Variants in HECTD4 observed in about 807,000 individuals in gnomAD.
HECTD4 encodes the protein HECT domain E3 ubiquitin protein ligase 4.
A neutral mutation model predicts 471.5 loss-of-function variants in HECTD4; 114 were observed. That is an observed-to-expected ratio of 0.24 (90% confidence interval 0.21 to 0.28). The LOEUF (loss-of-function observed/expected upper bound fraction) is 0.28, where lower values mean the gene tolerates loss of function less well. HECTD4 is among the 10% of genes least tolerant of loss of function. The pLI is 1.00. For synonymous variants in HECTD4, 2,012 were observed against 2,256.0 expected (o/e 0.89, Z 3.07); for missense variants, 3,866 against 5,651.5 (o/e 0.68, Z 10.13).
intron 29 of HECTD4, 65 bp downstream of exon 29, chr12:112,246,836 T>C (rs937660678): frequency 2.9e-5 from 41 of 1,426,216 alleles, no homozygotes; most frequent in East Asian, 1.2e-4. Flanking sequence ...GTGTGTCTTA[T>C]ATGAACAGAG....
Position 112,194,417 on chromosome 12 carries a change from A to T in HECTD4, c.8749+468T>A, listed in dbSNP as rs76940475. On this transcript the variant is annotated intron_variant, in intron 56 of 75. Coordinates refer to ENST00000682272, the MANE Select transcript of HECTD4 (RefSeq NM_001388303.1). This position sits in a 1 kb window ranked among gnomAD's most constrained non-coding sequence, Gnocchi z 4.6. ...GAGTCCTGGATAGTGCTGAGGGCAG[A>T]CTCATCACCTGGCATTCACTGGGGA... is the stretch of plus-strand genomic sequence containing the variant. 0.041 allele frequency among the ~76,000 whole-genome samples: 6,280 copies of T among 152,216 alleles called. 287 individuals are homozygous for T. Among genetic ancestry groups the T allele is most frequent in the African/African-American group, 0.11 (4,597 of 41,518 alleles).
chr12:112,176,673 G>T lies in HECTD4; in HGVS notation c.11393C>A (p.Thr3798Asn). 1.2e-6 allele frequency: 2 copies of T among 1,613,994 alleles called. No individual in the cohort carries two copies. Among genetic ancestry groups the T allele is most frequent in the Non-Finnish European group, 1.7e-6 (2 of 1,179,870 alleles). Residue 3798 changes from threonine (T) to asparagine (N), a missense_variant, in exon 65 of 76, where the codon ACT (threonine) becomes AAT (asparagine). Transcript: ENST00000682272. ...CTTTTCTGGTGATTTTGGCTTCACAGTTGGCTTCTTCTCACTTAAGGCAGT... is the reference window on the plus strand; with the variant it reads ...CTTTTCTGGTGATTTTGGCTTCACATTTGGCTTCTTCTCACTTAAGGCAGT... ...SRTALSEKKP[T>N]VKPKSPEKSK... is the part of the protein sequence containing the mutation.
chr12:112,267,018 A>C (rs753590209), intron 13 of HECTD4, 36 bp from the exon 14 acceptor site: 339 of 1,140,420 alleles, frequency 3.0e-4, no homozygotes, highest in Non-Finnish European at 4.2e-4. Flanking sequence ...ATTTAAGCAA[A>C]TGTTCTAGAA....
At chr12:112,360,192 A>G (rs1342709929) in intron 1 of HECTD4, among the ~76,000 whole-genome samples, 1 of 152,176 alleles carries the variant, frequency 6.6e-6, no homozygotes, top group Non-Finnish European at 1.5e-5. Context: ...AGTAGCATGC[A>G]CCTATAGTCC....
At chr12:112,318,502 T>C (rs1394174036) in intron 2 of HECTD4, among the ~76,000 whole-genome samples, 3 of 151,878 alleles carry the variant, frequency 2.0e-5, no homozygotes, top group Non-Finnish European at 4.4e-5. Flanking sequence ...AGCCTCCAGG[T>C]AGCTGGGATT....
At chr12:112,204,380 G>A (rs912683884) in intron 53 of HECTD4, 106 bp downstream of exon 53, 1 of 1,113,060 alleles carries the variant, frequency 9.0e-7, no homozygotes, top group African/African-American at 1.6e-5. Context: ...GTCGGAGTAA[G>A]GAGAGTCACC....
At chr12:112,207,116 G>GTGTGTGTATGTATGTATGTA (rs1555250152) in intron 52 of HECTD4, among the ~76,000 whole-genome samples, 1 of 147,332 alleles carries the variant, frequency 6.8e-6, no homozygotes, top group East Asian at 2.0e-4. Flanking sequence ...ATGTGTGTGT[G>GTGTGTGTATGTATGTATGTA]TGTATGTATG....
At position 112,284,595 on chromosome 12, in the gene HECTD4, G is replaced by A. The variant is rs549589444; in HGVS notation, c.1336-1293C>T. On this transcript the variant is annotated intron_variant, in intron 7 of 75. Coordinates refer to ENST00000682272, the MANE Select transcript of HECTD4 (RefSeq NM_001388303.1). ...ATGATAAAGAAAAAGATTTGTTACA[G>A]AGTCCAAAAATGCTGTTTCTATTTC... is the stretch of plus-strand genomic sequence containing the variant. Among the ~76,000 whole-genome samples the A allele has an allele frequency of 2.6e-5, 4 of 152,274 alleles. No individual in the cohort carries two copies. The South Asian group carries it at 6.2e-4, about 24-fold the overall frequency.
Position 112,163,016 on chromosome 12 carries a change from G to C in HECTD4, c.13120+26C>G, listed in dbSNP as rs751030696. On this transcript the variant is annotated intron_variant, in intron 75 of 75. Coordinates refer to ENST00000682272, the MANE Select transcript of HECTD4 (RefSeq NM_001388303.1). This position sits in a 1 kb window ranked among gnomAD's most constrained non-coding sequence, Gnocchi z 8.2. ...GAGAAAGGCTAGTGTGTCCCTACTTGGGACATGGCCAGGGGAGGGCGGTAC... is the reference window on the plus strand; with the variant it reads ...GAGAAAGGCTAGTGTGTCCCTACTTCGGACATGGCCAGGGGAGGGCGGTAC... The C allele has an allele frequency of 6.5e-7, 1 of 1,542,728 alleles. No homozygotes were observed. The highest frequency in any genetic ancestry group is 8.9e-7 in the Non-Finnish European group (1 of 1,124,088).
At chr12:112,283,004 C>T (rs2034675839) in intron 8 of HECTD4, 106 bp downstream of exon 8, 2 of 777,996 alleles carry the variant, frequency 2.6e-6, no homozygotes, top group Non-Finnish European at 3.8e-6. Flanking sequence ...ATAAAGTCAA[C>T]TATGCAAAGG....
At position 112,308,835 on chromosome 12, in the gene HECTD4, C is replaced by T. The variant is rs1217328496; in HGVS notation, c.1082G>A (p.Ser361Asn). ...ELEPGWVAFG[S>N]GSLLHRPVSF... ...GACAGGCCGGTGGAGAAGACTGCCG[C>T]TGCCAAAAGCCACCCATCCTGGTTC... The change falls in exon 6 of 76, where the codon AGC becomes AAC. Residue 361 changes from serine to asparagine, a missense_variant. Physicochemically the swap from Ser to Asn is conservative, Grantham distance 46. Transcript: ENST00000682272. The T allele has an allele frequency of 6.5e-7, 1 of 1,536,106 alleles. No individual in the cohort carries two copies. Among genetic ancestry groups the T allele is most frequent in the Non-Finnish European group, 8.7e-7 (1 of 1,146,884 alleles).
intron 29 of HECTD4, among the ~76,000 whole-genome samples, chr12:112,246,349 C>T (rs2033760824): frequency 6.6e-6 from 1 of 151,896 alleles, no homozygotes; most frequent in Admixed American, 6.6e-5. Flanking sequence ...AGTATGAAAA[C>T]AAAAACGGGC....
chr12:112,223,253 G>A (rs1177289200), intron 44 of HECTD4, among the ~76,000 whole-genome samples: 1 of 152,148 alleles, frequency 6.6e-6, no homozygotes, highest in African/African-American at 2.4e-5. Context: ...AGGAAGCTGG[G>A]AGAAGAGAAA....
At chr12:112,258,083 T>C (rs1402439753) in intron 20 of HECTD4, among the ~76,000 whole-genome samples, 1 of 151,616 alleles carries the variant, frequency 6.6e-6, no homozygotes, top group African/African-American at 2.4e-5. Flanking sequence ...TAGCTACTCA[T>C]GAGGCTGAGA....
intron 1 of HECTD4, chr12:112,323,071 A>T: frequency 4.6e-6 from 1 of 218,026 alleles, no homozygotes; most frequent in South Asian, 7.4e-5. Flanking sequence ...GTAAAAGCAA[A>T]GAAAGCTGCT....
intron 1 of HECTD4, among the ~76,000 whole-genome samples, chr12:112,352,438 C>T (rs1221351997): frequency 3.3e-5 from 5 of 151,360 alleles, no homozygotes; most frequent in South Asian, 2.1e-4. Context: ...TGGGCTCAAG[C>T]GATTCTCCTG....
At chr12:112,368,558 A>G (rs527952615) in intron 1 of HECTD4, among the ~76,000 whole-genome samples, 1 of 152,368 alleles carries the variant, frequency 6.6e-6, no homozygotes, top group South Asian at 2.1e-4. Context: ...TCCACAAATT[A>G]CTATGCAGAC....
chr12:112,300,722 C>A (rs1472268304), intron 7 of HECTD4, among the ~76,000 whole-genome samples: 1 of 152,194 alleles, frequency 6.6e-6, no homozygotes, highest in African/African-American at 2.4e-5. Context: ...CTCAGCCTCC[C>A]GAGTAGCTAA....
chr12:112,227,488 A>G (rs1235767925), intron 43 of HECTD4, among the ~76,000 whole-genome samples: 2 of 152,154 alleles, frequency 1.3e-5, no homozygotes, highest in African/African-American at 4.8e-5. Context: ...ATTGTCAAAA[A>G]GAGACACCTG....
Sources: gnomAD v4.1 joint callset for allele counts (sites outside exome capture counted in the v4.1 genomes callset) on GRCh38, gnomAD v4.1.1 for gene constraint, Gnocchi (gnomAD v3.1) non-coding constraint, MANE v1.5 for transcripts, NCBI Gene and HGNC (gene_info 2026-07-23, HGNC 2026-07-21) for gene names.